Variants in SATL1 observed in about 807,000 individuals in gnomAD.
SATL1 encodes the protein spermidine/spermine N1-acetyl transferase like 1.
A neutral mutation model predicts 51.8 loss-of-function variants in SATL1; 47 were observed. The ratio of observed to expected loss-of-function variants is 0.91; its 90% CI spans 0.72 to 1.16. The LOEUF is 1.16. Ranked by LOEUF, SATL1 falls within the 50% of genes most tolerant of loss-of-function variation. SATL1 has a pLI of 0.00. For synonymous variants in SATL1, 176 were observed against 182.4 expected (o/e 0.97, Z 0.28); for missense variants, 520 against 526.4 (o/e 0.99, Z 0.12).
intron 2 of SATL1, chrX:85,211,687 T>C (rs2096413617): frequency 1.8e-5 from 2 of 111,209 alleles, no homozygotes; most frequent in South Asian, 7.6e-4. Context: ...TATCTTCAAT[T>C]TGCACTTACT....
chrX:85,209,734 T>TA (rs1483613233), intron 2 of SATL1: 6 of 110,894 alleles, frequency 5.4e-5, no homozygotes, highest in South Asian at 3.9e-4. Context: ...TTTTCTTCTT[T>TA]ACTAGTCTTG....
chrX:85,137,300 G>A (rs1925984435), intron 2 of SATL1, among the ~76,000 whole-genome samples: 2 of 111,556 alleles, frequency 1.8e-5, no homozygotes, highest in Admixed American at 1.9e-4. Context: ...GTGAAAGTCT[G>A]AAATAGTAGG....
chrX:85,113,245 G>A (rs754257708), intron 2 of SATL1, among the ~76,000 whole-genome samples: 1 of 109,688 alleles, frequency 9.1e-6, no homozygotes, highest in African/African-American at 3.3e-5. Context: ...CATTTGGAGC[G>A]TGATGGCGTG....
At chrX:85,142,680 T>A (rs895918772) in intron 2 of SATL1, 5 of 111,646 alleles carry the variant, frequency 4.5e-5, no homozygotes, top group Non-Finnish European at 9.4e-5. Context: ...GCTACAAGGT[T>A]AATGATAGCT....
At position 85,145,946 on chromosome X, in the gene SATL1, G is replaced by C. The variant is rs1486427227; in HGVS notation, c.-312-36666C>G. On this transcript the variant is annotated intron_variant, in intron 2 of 7. Coordinates refer to ENST00000644105, the MANE Select transcript of SATL1 (RefSeq NM_001367857.2). ...GAGTCTCGCTCTGTCGCCTGGGCTGGAGTGCAGTGGCACGATCTCGGCTCA... is the reference window on the plus strand; with the variant it reads ...GAGTCTCGCTCTGTCGCCTGGGCTGCAGTGCAGTGGCACGATCTCGGCTCA... Among the ~76,000 whole-genome samples, 10 of 107,398 alleles carry C rather than the reference G, an allele frequency of 9.3e-5. No homozygotes were observed. In the East Asian group the frequency reaches 3.0e-3, roughly 32 times the overall value. 93.3% of individuals were successfully genotyped at this position (107,398 alleles called of 115,157 possible).
At chrX:85,212,615 A>G (rs1411573409) in intron 2 of SATL1, 3 of 111,788 alleles carry the variant, frequency 2.7e-5, no homozygotes, top group Non-Finnish European at 5.7e-5. Flanking sequence ...CATAACACGT[A>G]ACACTTTATG....
chrX:85,187,818 GA>G, intron 2 of SATL1, among the ~76,000 whole-genome samples: 1 of 111,594 alleles, frequency 9.0e-6, no homozygotes, highest in East Asian at 2.8e-4. Context: ...TTTGGTATCA[GA>G]GTTATGCTGG....
chrX:85,094,259 G>T (rs779139527), intron 5 of SATL1, 30 bp from the exon 6 acceptor site: 9 of 882,348 alleles, frequency 1.0e-5, no homozygotes, highest in Non-Finnish European at 3.3e-6. Flanking sequence ...GGTGTAGAAA[G>T]GTTGGTTGAA....
chrX:85,113,195 ACT>A (rs1050354195), intron 2 of SATL1, among the ~76,000 whole-genome samples: 1 of 110,313 alleles, frequency 9.1e-6, no homozygotes, highest in African/African-American at 3.3e-5. Context: ...TAAAAGGGTG[ACT>A]CTTGAATATT....
At chrX:85,235,986 T>A (rs952580600) in intron 1 of SATL1, among the ~76,000 whole-genome samples, 1 of 111,196 alleles carries the variant, frequency 9.0e-6, no homozygotes, top group Non-Finnish European at 1.9e-5. Flanking sequence ...AATAAAATTA[T>A]AGAGATGAAA....
chrX:85,094,020 A>C (rs1924606754), intron 6 of SATL1, 108 bp downstream of exon 6: 2 of 426,243 alleles, frequency 4.7e-6, no homozygotes, highest in Admixed American at 3.8e-5. Flanking sequence ...AGTAGCAATA[A>C]GTTACATTAA....
chrX:85,102,097 T>C (rs1316121503), intron 4 of SATL1, among the ~76,000 whole-genome samples: 1 of 109,993 alleles, frequency 9.1e-6, no homozygotes, highest in Non-Finnish European at 1.9e-5. Context: ...TTTCTTATTA[T>C]TATACTTTAA....
At chrX:85,192,395 C>T (rs984907483) in intron 2 of SATL1, among the ~76,000 whole-genome samples, 21 of 111,254 alleles carry the variant, frequency 1.9e-4, no homozygotes, top group Middle Eastern at 9.2e-3. Flanking sequence ...ATTTTCCATG[C>T]CTTCTCTTCC....
chrX:85,133,712 G>A (rs1925876967), intron 2 of SATL1, among the ~76,000 whole-genome samples: 1 of 111,856 alleles, frequency 8.9e-6, no homozygotes, highest in Non-Finnish European at 1.9e-5. Context: ...TGGAAATGCA[G>A]AAATCACCCG....
chrX:85,151,976 T>G (rs1446929989), intron 2 of SATL1, among the ~76,000 whole-genome samples: 6 of 109,542 alleles, frequency 5.5e-5, no homozygotes, highest in Non-Finnish European at 1.1e-4. Context: ...GGGATCTAAT[T>G]AAACTAAAGA....
chrX:85,204,944 A>T (rs1303971773), intron 2 of SATL1, among the ~76,000 whole-genome samples: 1 of 112,289 alleles, frequency 8.9e-6, no homozygotes, highest in Non-Finnish European at 1.9e-5. Context: ...TGAGTAACAA[A>T]TTGTGTTTCT....
intron 2 of SATL1, among the ~76,000 whole-genome samples, chrX:85,191,233 C>T (rs1927430972): frequency 9.0e-6 from 1 of 111,395 alleles, no homozygotes; most frequent in Non-Finnish European, 1.9e-5. Flanking sequence ...ATTATTTTCT[C>T]AAAGTTTTAT....
intron 2 of SATL1, among the ~76,000 whole-genome samples, chrX:85,146,023 A>G (rs1926227664): frequency 9.2e-6 from 1 of 108,493 alleles, no homozygotes; most frequent in Admixed American, 9.9e-5. Context: ...CAGCCTCCTG[A>G]GCAGTTGGGA....
In SATL1 at chrX:85,155,255, A is replaced by G. The variant is rs368958182; in HGVS notation, c.-312-45975T>C. 5.4e-5 allele frequency among the ~76,000 whole-genome samples: 6 copies of G among 111,599 alleles called. No homozygotes were observed. In the South Asian group the frequency reaches 1.5e-3, roughly 28 times the overall value. On this transcript the variant is annotated intron_variant, in intron 2 of 7. Transcript: ENST00000644105. Reference sequence around the variant, plus strand: ...CCCCCTGAGATGTTAAAGAAGCATTATGATTAGAAATCACACCTGTAAACA... The same window carrying G: ...CCCCCTGAGATGTTAAAGAAGCATTGTGATTAGAAATCACACCTGTAAACA...
Sources: allele counts gnomAD v4.1 joint callset (sites outside exome capture counted in the v4.1 genomes callset), GRCh38; gene constraint gnomAD v4.1.1; transcripts MANE v1.5; gene names NCBI Gene and HGNC (gene_info 2026-07-23, HGNC 2026-07-21).